The following PAX2 variants were observed in gnomAD, a reference collection of about 807,000 sequenced individuals.
PAX2 encodes paired box 2.
A neutral mutation model predicts 41.7 loss-of-function variants in PAX2; 9 were observed. The ratio of observed to expected loss-of-function variants is 0.22; its 90% CI spans 0.13 to 0.38. PAX2 has a LOEUF of 0.38. Ranked by LOEUF, PAX2 falls within the 10% of genes least tolerant of loss-of-function variation. PAX2 has a pLI of 1.00. For synonymous variants in PAX2, 221 were observed against 212.7 expected (o/e 1.04, Z -0.34); for missense variants, 418 against 531.6 (o/e 0.79, Z 2.10).
chr10:100,764,121 A>G (rs553249270), intron 3 of PAX2, among the ~76,000 whole-genome samples: 1 of 146,872 alleles, frequency 6.8e-6, no homozygotes, highest in Admixed American at 6.8e-5. Context: ...TGCTTTGTGT[A>G]TGCACAAACA....
chr10:100,815,597 C>G (rs1848160099), intron 7 of PAX2, among the ~76,000 whole-genome samples: 1 of 152,226 alleles, frequency 6.6e-6, no homozygotes, highest in Admixed American at 6.5e-5. Flanking sequence ...GGGGGCATTT[C>G]CATAGCAATG....
intron 3 of PAX2, among the ~76,000 whole-genome samples, chr10:100,765,746 G>T (rs926796759): frequency 6.6e-6 from 1 of 151,964 alleles, no homozygotes; most frequent in African/African-American, 2.4e-5. Context: ...CTCTGCCCCT[G>T]TGCTACCTGG....
intron 5 of PAX2, among the ~76,000 whole-genome samples, chr10:100,794,861 ATT>A (rs55984446): frequency 1.3e-5 from 2 of 151,972 alleles, no homozygotes; most frequent in South Asian, 2.1e-4. Context: ...TGTGTAATTG[ATT>A]TTTTTTTTAG....
In PAX2 at chr10:100,773,586, A is replaced by G. The variant is rs188969742; in HGVS notation, c.411-5912A>G. Among the ~76,000 whole-genome samples the G allele has an allele frequency of 5.2e-3, 790 of 152,348 alleles. 5 individuals are homozygous for G. The highest frequency in any genetic ancestry group is 0.01 in the South Asian group (50 of 4,828). ...ATAGATACATTTGTACTAAGTATAC[A>G]TACATTATATCATTCTATTGATTTG... On this transcript the variant is annotated intron_variant, in intron 3 of 9. Transcript: ENST00000355243.
Position 100,779,565 on chromosome 10 carries a change from G to A in PAX2, c.478G>A (p.Ala160Thr), listed in dbSNP as rs201383632. 1.0e-4 allele frequency: 161 copies of A among 1,589,888 alleles called. 1 individual carries two copies. In the Middle Eastern group the frequency reaches 7.3e-3, roughly 72 times the overall value. Residue 160 changes from alanine to threonine, a missense_variant, in exon 4 of 10, where the codon GCC becomes ACC. Transcript: ENST00000355243. ...TPDGAGTGVT[A>T]PGHTIVPSTA... is the part of the protein sequence containing the mutation. The stretch of plus-strand genomic sequence containing the variant: ...GGATGGGGCTGGGACAGGAGTGACC[G>A]CCCCTGGCCACACCATTGGTAAGAG...
chr10:100,739,418 T>C (rs1370456419), intron 1 of PAX2, among the ~76,000 whole-genome samples: 2 of 152,150 alleles, frequency 1.3e-5, no homozygotes, highest in African/African-American at 4.8e-5. Context: ...TCCACACAGC[T>C]GCTGGGAGAG....
intron 3 of PAX2, among the ~76,000 whole-genome samples, chr10:100,760,585 G>T (rs1845805354): frequency 6.6e-6 from 1 of 152,206 alleles, no homozygotes; most frequent in South Asian, 2.1e-4. Flanking sequence ...CGCACTAGGA[G>T]AACTGGAAGC....
At chr10:100,735,913 G>A (rs1844767862) in intron 1 of PAX2, among the ~76,000 whole-genome samples, 1 of 152,214 alleles carries the variant, frequency 6.6e-6, no homozygotes, top group African/African-American at 2.4e-5. Context: ...CGTCCCTCCC[G>A]GTGTCCTCTA....
upstream of PAX2, among the ~76,000 whole-genome samples, chr10:100,742,917 G>T (rs4917908): frequency 3.3e-4 from 46 of 137,628 alleles, no homozygotes; most frequent in Non-Finnish European, 5.2e-4. Context: ...CTACTAGACT[G>T]TATAGAAGAA....
In PAX2 at chr10:100,750,491, G is replaced by A. The variant is rs1845399397; in HGVS notation, c.213-203G>A. The stretch of plus-strand genomic sequence containing the variant: ...CCCTGGTGTGGCCGTCTCCCTGGAG[G>A]GATGGTACCCCTTGTCCTCCTACTC... On this transcript the variant is annotated intron_variant, in intron 2 of 9. Transcript: ENST00000355243. This position sits in a 1 kb window ranked among gnomAD's most constrained non-coding sequence, Gnocchi z 4.1. Among the ~76,000 whole-genome samples, 1 of 152,204 alleles carries A rather than the reference G, an allele frequency of 6.6e-6. No homozygotes were observed. The highest frequency in any genetic ancestry group is 2.1e-4 in the South Asian group (1 of 4,836).
At chr10:100,783,293 A>AC (rs1186049005) in intron 5 of PAX2, among the ~76,000 whole-genome samples, 1 of 152,244 alleles carries the variant, frequency 6.6e-6, no homozygotes, top group East Asian at 1.9e-4. Context: ...TAAGGAGCTT[A>AC]CATTCTAGTG....
rs1056901077 is a variant in PAX2 at position 100,824,497 on chromosome 10, G to A, written c.920-151G>A. 10 of 710,704 alleles carry A rather than the reference G, an allele frequency of 1.4e-5. No individual in the cohort carries two copies. The highest frequency in any genetic ancestry group is 7.0e-5 in the African/African-American group (4 of 57,278). The allele number at this position is 710,704 out of a possible 1,614,324, so 44.0% of individuals were successfully genotyped here. A position where few individuals can be genotyped will look rare whatever the true frequency, so the allele number is the denominator to read the frequency against. Reference sequence around the variant, plus strand: ...ACATGCAAAGGCACACTCAGATGGCGCATTCAGGTGCACAGTGGCACACAT... The same window carrying A: ...ACATGCAAAGGCACACTCAGATGGCACATTCAGGTGCACAGTGGCACACAT... On this transcript the variant is annotated intron_variant, in intron 7 of 9. Coordinates refer to ENST00000355243, the MANE Select transcript of PAX2 (RefSeq NM_000278.5). The surrounding 1 kb of genome is among the most constrained non-coding windows in gnomAD (Gnocchi z 6.6).
At chr10:100,749,318 G>A (rs139139204) in intron 1 of PAX2, 18 of 1,005,180 alleles carry the variant, frequency 1.8e-5, no homozygotes, top group Admixed American at 5.9e-5. Flanking sequence ...CCGCACGCGC[G>A]GACAGCTCCC....
At chr10:100,758,004 G>T (rs779824346) in intron 3 of PAX2, among the ~76,000 whole-genome samples, 2 of 152,148 alleles carry the variant, frequency 1.3e-5, no homozygotes, top group East Asian at 1.9e-4. Flanking sequence ...TGGCACATCC[G>T]CAATCAACCA....
intron 3 of PAX2, among the ~76,000 whole-genome samples, chr10:100,755,321 T>C (rs1845590027): frequency 6.6e-6 from 1 of 152,184 alleles, no homozygotes; most frequent in Non-Finnish European, 1.5e-5. Context: ...TGAGAGCAAT[T>C]GCTGCTTGCC....
upstream of PAX2, among the ~76,000 whole-genome samples, chr10:100,744,658 C>T (rs1845084481): frequency 6.6e-6 from 1 of 152,228 alleles, no homozygotes; most frequent in Non-Finnish European, 1.5e-5. Context: ...TCTCCCACAT[C>T]CTCTGCCGCC....
At chr10:100,739,477 T>G (rs1375928102) in intron 1 of PAX2, among the ~76,000 whole-genome samples, 1 of 152,122 alleles carries the variant, frequency 6.6e-6, no homozygotes, top group African/African-American at 2.4e-5. Context: ...ACGGTAGATT[T>G]GGTGCCGGCT....
intron 5 of PAX2, among the ~76,000 whole-genome samples, chr10:100,798,804 A>ACCCCATT (rs1260004433): frequency 6.6e-6 from 1 of 151,500 alleles, no homozygotes; most frequent in East Asian, 1.9e-4. Context: ...CTGGGGAGCC[A>ACCCCATT]CCCCATTCCT....
rs1848585609 is a variant in PAX2 at position 100,826,859 on chromosome 10, G to T, written c.1022-150G>T. 1.5e-6 allele frequency: 1 copy of T among 645,162 alleles called. No individual in the cohort carries two copies. Among genetic ancestry groups the T allele is most frequent in the Non-Finnish European group, 2.8e-6 (1 of 359,166 alleles). The allele number at this position is 645,162 out of a possible 1,614,324, so 40.0% of individuals were successfully genotyped here. On this transcript the variant is annotated intron_variant, in intron 8 of 9. Transcript: ENST00000355243. This position sits in a 1 kb window ranked among gnomAD's most constrained non-coding sequence, Gnocchi z 5.5. ...CGGACGCGGTGATCGCCCCACCTCC[G>T]CCCGGCCCGCCCGCCACGGCCATTA...
Sources: allele counts gnomAD v4.1 joint callset (sites outside exome capture counted in the v4.1 genomes callset), GRCh38; gene constraint gnomAD v4.1.1; non-coding constraint Gnocchi (gnomAD v3.1); transcripts MANE v1.5; gene names NCBI Gene and HGNC (gene_info 2026-07-23, HGNC 2026-07-21).